Variants in SPATA16 observed in about 807,000 individuals in gnomAD.
The protein encoded by SPATA16 is spermatogenesis associated 16, also known as spermatogenesis-associated protein 16.
In SPATA16, 36 loss-of-function variants were observed where a neutral mutation model predicts 63.3. The ratio of observed to expected loss-of-function variants is 0.57; its 90% confidence interval spans 0.44 to 0.75. The LOEUF (loss-of-function observed/expected upper bound fraction) is 0.75. Ranked by LOEUF, SPATA16 falls within the 30% of genes least tolerant of loss-of-function variation. The probability of loss-of-function intolerance (pLI) is 0.00; values close to 1 mark genes in which losing one functional copy is unlikely to be tolerated. For synonymous variants in SPATA16, 203 were observed against 216.7 expected, an observed-to-expected ratio of 0.94 and a Z score of 0.56; for missense variants, 646 against 679.3, an observed-to-expected ratio of 0.95 and a Z score of 0.54.
At chr3:172,893,823 T>C (rs1258773365) in intron 10 of SPATA16, among the ~76,000 whole-genome samples, 1 of 152,254 alleles carries the variant, frequency 6.6e-6, no homozygotes, top group Non-Finnish European at 1.5e-5. Context: ...AGGAAGATGC[T>C]GGGCTTGAAT....
intron 2 of SPATA16, among the ~76,000 whole-genome samples, chr3:173,068,109 T>A (rs561833681): frequency 6.6e-6 from 1 of 152,292 alleles, no homozygotes; most frequent in South Asian, 2.1e-4. Flanking sequence ...TCTTCAATTT[T>A]AAATAAAACG....
chr3:173,098,483 C>T (rs781695484), intron 2 of SPATA16, among the ~76,000 whole-genome samples: 3 of 152,140 alleles, frequency 2.0e-5, no homozygotes, highest in Non-Finnish European at 4.4e-5. Context: ...TAAATGCCTT[C>T]TGGAAGAACT....
At chr3:173,019,134 C>T (rs1342641241) in intron 4 of SPATA16, among the ~76,000 whole-genome samples, 1 of 152,106 alleles carries the variant, frequency 6.6e-6, no homozygotes, top group African/African-American at 2.4e-5. Flanking sequence ...ATTGGATTTC[C>T]TCTCCAGTGC....
At chr3:173,043,938 A>G (rs933157422) in intron 3 of SPATA16, among the ~76,000 whole-genome samples, 1 of 152,060 alleles carries the variant, frequency 6.6e-6, no homozygotes, top group Non-Finnish European at 1.5e-5. Flanking sequence ...GTATTTTGGC[A>G]TCCATATTTC....
At chr3:173,069,406 C>T (rs191585100) in intron 2 of SPATA16, among the ~76,000 whole-genome samples, 215 of 152,212 alleles carry the variant, frequency 1.4e-3, no homozygotes, top group Admixed American at 2.9e-3. Context: ...AATTTCTAGA[C>T]ACATGCAACA....
chr3:173,008,330 C>G (rs911563243), intron 4 of SPATA16, among the ~76,000 whole-genome samples: 1 of 152,230 alleles, frequency 6.6e-6, no homozygotes. Context: ...GATGGACTTG[C>G]AGGGAGCCAG....
chr3:172,892,685 A>G (rs1487669524), intron 10 of SPATA16, among the ~76,000 whole-genome samples: 1 of 152,228 alleles, frequency 6.6e-6, no homozygotes, highest in Non-Finnish European at 1.5e-5. Context: ...CTAGAAGAAC[A>G]GATTGCAAAT....
chr3:173,019,297 G>A lies in SPATA16; in HGVS notation c.848+189C>T, dbSNP rs552250476. Among the ~76,000 whole-genome samples, 26 of 152,276 alleles carry A rather than the reference G, an allele frequency of 1.7e-4. No homozygotes were observed. The South Asian group carries it at 5.0e-3, about 29-fold the overall frequency. On this transcript the variant is annotated intron_variant, in intron 4 of 10. Coordinates refer to ENST00000351008, the MANE Select transcript of SPATA16 (RefSeq NM_031955.6). ...AAGTTTGAATTTTGTTAAGAGCTAT[G>A]AACATGGAATAGCTTTAATTAAAGA...
intron 2 of SPATA16, among the ~76,000 whole-genome samples, chr3:173,080,708 C>T (rs1736903673): frequency 6.6e-6 from 1 of 152,096 alleles, no homozygotes; most frequent in African/African-American, 2.4e-5. Flanking sequence ...GATAGGGCAC[C>T]ATTAGACAAA....
At chr3:172,963,457 TATTAA>T (rs1321896485) in intron 5 of SPATA16, among the ~76,000 whole-genome samples, 1 of 151,964 alleles carries the variant, frequency 6.6e-6, no homozygotes, top group East Asian at 1.9e-4. Context: ...ATAAATATAA[TATTAA>T]ATTTAAAGTA....
At chr3:172,898,361 T>C (rs945284008) in intron 10 of SPATA16, among the ~76,000 whole-genome samples, 1 of 151,978 alleles carries the variant, frequency 6.6e-6, no homozygotes, top group Non-Finnish European at 1.5e-5. Flanking sequence ...AGTGAAAACG[T>C]CTGGGCTTGG....
intron 2 of SPATA16, among the ~76,000 whole-genome samples, chr3:173,064,039 G>T (rs1311860789): frequency 6.6e-6 from 1 of 152,158 alleles, no homozygotes; most frequent in Non-Finnish European, 1.5e-5. Context: ...GGGTGCAGTG[G>T]CTCATGCCTG....
At chr3:173,073,504 C>T (rs1736720951) in intron 2 of SPATA16, among the ~76,000 whole-genome samples, 1 of 152,228 alleles carries the variant, frequency 6.6e-6, no homozygotes, top group Non-Finnish European at 1.5e-5. Flanking sequence ...AGGAACAGCT[C>T]ATGCTGTGGC....
chr3:173,086,344 C>G (rs1737052707), intron 2 of SPATA16, among the ~76,000 whole-genome samples: 1 of 152,046 alleles, frequency 6.6e-6, no homozygotes, highest in Non-Finnish European at 1.5e-5. Context: ...AGTATTCTCT[C>G]TGACAATTGT....
At chr3:173,010,491 G>A (rs891320000) in intron 4 of SPATA16, among the ~76,000 whole-genome samples, 1 of 149,270 alleles carries the variant, frequency 6.7e-6, no homozygotes, top group Non-Finnish European at 1.5e-5. Flanking sequence ...TTTTTGTGGT[G>A]GGGCTCCCAG....
chr3:173,053,955 G>A (rs148657014), intron 2 of SPATA16, among the ~76,000 whole-genome samples: 160 of 151,902 alleles, frequency 1.1e-3, no homozygotes, highest in African/African-American at 3.3e-3. Context: ...CTTTCTATAC[G>A]TTTTGCATTT....
At chr3:173,067,226 A>T (rs893453310) in intron 2 of SPATA16, among the ~76,000 whole-genome samples, 1 of 152,208 alleles carries the variant, frequency 6.6e-6, no homozygotes, top group Admixed American at 6.5e-5. Flanking sequence ...CAGTGGACTG[A>T]ACAAAGAAAA....
At chr3:173,006,674 C>T (rs931352294) in intron 4 of SPATA16, among the ~76,000 whole-genome samples, 15 of 152,162 alleles carry the variant, frequency 9.9e-5, no homozygotes, top group African/African-American at 2.9e-4. Flanking sequence ...AGTTTCTCCC[C>T]GCTTGCTGGT....
chr3:173,064,163 C>T (rs1736456624), intron 2 of SPATA16, among the ~76,000 whole-genome samples: 1 of 151,786 alleles, frequency 6.6e-6, no homozygotes, highest in Admixed American at 6.6e-5. Flanking sequence ...AAAAAATTAG[C>T]TGGGCATGGT....
Sources: allele counts gnomAD v4.1 joint callset (sites outside exome capture counted in the v4.1 genomes callset), GRCh38; gene constraint gnomAD v4.1.1; transcripts MANE v1.5; gene names NCBI Gene and HGNC (gene_info 2026-07-23, HGNC 2026-07-21).